Variants in SAMSN1 observed in about 807,000 individuals in gnomAD.
SAMSN1 encodes the protein SAM domain-containing protein SAMSN-1.
Under a neutral mutation model 42.0 loss-of-function variants are expected in SAMSN1, and 31 were observed. That is an observed-to-expected ratio of 0.74 (90% CI 0.55 to 1.00). SAMSN1 has a LOEUF of 1.00. Ranked by LOEUF, SAMSN1 falls within the 50% of genes least tolerant of loss-of-function variation. The pLI, the probability that SAMSN1 is intolerant of heterozygous loss-of-function variation, is 0.00. For synonymous variants in SAMSN1, 178 were observed against 151.9 expected (o/e 1.17, Z -1.26); for missense variants, 464 against 439.4 (o/e 1.06, Z -0.50).
chr21:14,548,675 T>C (rs764976466), upstream of SAMSN1, among the ~76,000 whole-genome samples: 1 of 152,110 alleles, frequency 6.6e-6, no homozygotes, highest in Non-Finnish European at 1.5e-5. Context: ...ATGTGACATT[T>C]GAGGTCCCAT....
intron 6 of SAMSN1, among the ~76,000 whole-genome samples, chr21:14,599,467 A>T (rs1982370090): frequency 6.6e-6 from 1 of 152,208 alleles, no homozygotes; most frequent in Non-Finnish European, 1.5e-5. Flanking sequence ...CTGTGAGTCA[A>T]TTAAACCTCT....
chr21:14,507,965 C>G (rs1987490794), intron 5 of SAMSN1, among the ~76,000 whole-genome samples: 1 of 152,010 alleles, frequency 6.6e-6, no homozygotes, highest in African/African-American at 2.4e-5. Context: ...GAAAGGACAC[C>G]CTTTTCAACA....
chr21:14,626,882 G>A (rs1983191528), intron 2 of SAMSN1, among the ~76,000 whole-genome samples: 3 of 152,114 alleles, frequency 2.0e-5, no homozygotes, highest in Non-Finnish European at 2.9e-5. Flanking sequence ...CAACCCAAAT[G>A]TCCATCAATG....
intron 7 of SAMSN1, among the ~76,000 whole-genome samples, chr21:14,486,932 C>G (rs1986459515): frequency 6.6e-6 from 1 of 152,136 alleles, no homozygotes; most frequent in Non-Finnish European, 1.5e-5. Flanking sequence ...CCCTAAGCAG[C>G]CTGAAGTTCA....
chr21:14,521,655 A>G (rs534299361), intron 1 of SAMSN1, among the ~76,000 whole-genome samples: 65 of 152,246 alleles, frequency 4.3e-4, no homozygotes, highest in South Asian at 8.3e-4. Context: ...GCATCTGAGT[A>G]GATCCACCAT....
chr21:14,514,748 A>AT (rs533721359), intron 3 of SAMSN1, among the ~76,000 whole-genome samples: 18 of 152,012 alleles, frequency 1.2e-4, no homozygotes, highest in Admixed American at 3.9e-4. Context: ...TGAGAAAACC[A>AT]TTTTTTTTGT....
At chr21:14,635,885 T>C (rs1448124238) in intron 2 of SAMSN1, among the ~76,000 whole-genome samples, 2 of 152,082 alleles carry the variant, frequency 1.3e-5, no homozygotes. Flanking sequence ...GTTGTATACA[T>C]GTGCCATGTT....
At chr21:14,617,760 G>T (rs1040701473) in intron 2 of SAMSN1, among the ~76,000 whole-genome samples, 2 of 152,136 alleles carry the variant, frequency 1.3e-5, no homozygotes, top group African/African-American at 4.8e-5. Flanking sequence ...ACAGTATTTT[G>T]GAACCAACTT....
At chr21:14,550,006 T>A (rs1320045235), upstream of SAMSN1, among the ~76,000 whole-genome samples, 1 of 152,158 alleles carries the variant, frequency 6.6e-6, no homozygotes, top group African/African-American at 2.4e-5. Flanking sequence ...TCTGCAATTC[T>A]GTATTTAATA....
chr21:14,571,222 C>T (rs1322319012), intron 2 of SAMSN1, among the ~76,000 whole-genome samples: 2 of 152,222 alleles, frequency 1.3e-5, no homozygotes, highest in South Asian at 4.1e-4. Flanking sequence ...TCTGTTTCTA[C>T]CCAACAGTTT....
chr21:14,629,917 C>G (rs144047886), intron 2 of SAMSN1, among the ~76,000 whole-genome samples: 1 of 152,056 alleles, frequency 6.6e-6, no homozygotes, highest in African/African-American at 2.4e-5. Flanking sequence ...CTTAAGTGTC[C>G]TTAAATGTGA....
chr21:14,510,606 C>T (rs1015315616), intron 4 of SAMSN1, 145 bp from the exon 5 acceptor site: 38 of 884,206 alleles, frequency 4.3e-5, no homozygotes, highest in Non-Finnish European at 5.6e-5. Flanking sequence ...TGGTGTCTGT[C>T]TTCCAGTTAC....
chr21:14,517,600 G>T (rs1413911825), intron 2 of SAMSN1, among the ~76,000 whole-genome samples: 2 of 151,702 alleles, frequency 1.3e-5, no homozygotes, highest in African/African-American at 2.4e-5. Flanking sequence ...TCCCATATTC[G>T]CAAGCAATAG....
chr21:14,598,332 T>C (rs1341327527), intron 6 of SAMSN1: 1 of 152,188 alleles, frequency 6.6e-6, no homozygotes, highest in Admixed American at 6.5e-5. Flanking sequence ...TATTACTGCA[T>C]ATTTTATTCC....
chr21:14,555,459 C>CT (rs1980734769), intron 2 of SAMSN1, among the ~76,000 whole-genome samples: 1 of 152,172 alleles, frequency 6.6e-6, no homozygotes. Flanking sequence ...TGCTCAGCTC[C>CT]TAACTATATG....
At chr21:14,519,358 A>G (rs1286929721) in intron 2 of SAMSN1, among the ~76,000 whole-genome samples, 1 of 152,172 alleles carries the variant, frequency 6.6e-6, no homozygotes, top group African/African-American at 2.4e-5. Context: ...CTGAATGAAC[A>G]TGAGCTATCT....
At chr21:14,625,571 G>A (rs895834917) in intron 2 of SAMSN1, among the ~76,000 whole-genome samples, 2 of 152,136 alleles carry the variant, frequency 1.3e-5, no homozygotes, top group African/African-American at 4.8e-5. Context: ...CAACTTACCA[G>A]GGATGTGAAA....
At chr21:14,537,041 A>C (rs964138570) in intron 1 of SAMSN1, among the ~76,000 whole-genome samples, 1 of 152,230 alleles carries the variant, frequency 6.6e-6, no homozygotes, top group Non-Finnish European at 1.5e-5. Flanking sequence ...CACAAAAGCC[A>C]AAATAAACCC....
At chr21:14,652,710 C>T (rs191330985) in intron 1 of SAMSN1, among the ~76,000 whole-genome samples, 12 of 151,788 alleles carry the variant, frequency 7.9e-5, no homozygotes, top group Middle Eastern at 3.4e-3. Flanking sequence ...GAAAAGCTTC[C>T]GCACAGAAAA....
Sources: allele counts gnomAD v4.1 joint callset (sites outside exome capture counted in the v4.1 genomes callset), GRCh38; gene constraint gnomAD v4.1.1; transcripts MANE v1.5; gene names NCBI Gene and HGNC (gene_info 2026-07-23, HGNC 2026-07-21).